Variants in CDH20 observed in about 807,000 individuals in gnomAD.
CDH20 encodes cadherin-20.
CDH20 carries 29 observed loss-of-function variants against 74.2 expected under a neutral mutation model. The ratio of observed to expected loss-of-function variants is 0.39; its 90% CI spans 0.29 to 0.53. The LOEUF is 0.53. Ranked by LOEUF, CDH20 falls within the 20% of genes least tolerant of loss-of-function variation. The pLI is 0.69. For synonymous variants in CDH20, 469 were observed against 405.4 expected (o/e 1.16, Z -1.88); for missense variants, 988 against 1,048.3 (o/e 0.94, Z 0.79).
chr18:61,414,467 T>A (rs1300410323), intron 1 of CDH20, among the ~76,000 whole-genome samples: 1 of 152,186 alleles, frequency 6.6e-6, no homozygotes, highest in Non-Finnish European at 1.5e-5. Context: ...TTAATTAGAT[T>A]TTTTATAGAT....
intron 1 of CDH20, among the ~76,000 whole-genome samples, chr18:61,469,545 C>T (rs541299673): frequency 2.6e-5 from 4 of 152,336 alleles, no homozygotes; most frequent in Non-Finnish European, 4.4e-5. Flanking sequence ...TCTCAACCAT[C>T]CTATAGTGGG....
chr18:61,535,969 T>C (rs1448590903), intron 7 of CDH20, among the ~76,000 whole-genome samples: 1 of 152,162 alleles, frequency 6.6e-6, no homozygotes, highest in African/African-American at 2.4e-5. Flanking sequence ...ATTACCATTA[T>C]TGTATTTGCC....
intron 6 of CDH20, among the ~76,000 whole-genome samples, chr18:61,509,675 G>A (rs1286927784): frequency 1.3e-5 from 2 of 152,134 alleles, no homozygotes; most frequent in South Asian, 2.1e-4. Context: ...GACATGACTC[G>A]GTTTTCATTA....
At chr18:61,473,707 A>G (rs1439148990) in intron 1 of CDH20, among the ~76,000 whole-genome samples, 2 of 152,228 alleles carry the variant, frequency 1.3e-5, no homozygotes, top group African/African-American at 4.8e-5. Context: ...GGGAAAAAAT[A>G]TCAGCATAAA....
intron 1 of CDH20, among the ~76,000 whole-genome samples, chr18:61,429,330 T>C (rs1200628685): frequency 6.6e-6 from 1 of 152,212 alleles, no homozygotes; most frequent in African/African-American, 2.4e-5. Context: ...TTGGGAATTT[T>C]GCAAGATACC....
At chr18:61,483,220 T>C (rs1910649050) in intron 1 of CDH20, among the ~76,000 whole-genome samples, 1 of 152,206 alleles carries the variant, frequency 6.6e-6, no homozygotes, top group African/African-American at 2.4e-5. Flanking sequence ...AAGCACCTCT[T>C]GTACAGTCAC....
chr18:61,537,501 C>T (rs536480633), intron 8 of CDH20, among the ~76,000 whole-genome samples: 2 of 152,244 alleles, frequency 1.3e-5, no homozygotes, highest in Admixed American at 6.5e-5. Context: ...AATACAGATG[C>T]TTTCAAAACA....
At chr18:61,513,609 T>A (rs1911866784) in intron 6 of CDH20, among the ~76,000 whole-genome samples, 1 of 151,942 alleles carries the variant, frequency 6.6e-6, no homozygotes, top group Admixed American at 6.6e-5. Context: ...GGTCTTTACA[T>A]TTTGGCATGA....
rs934732602 is a variant in CDH20, at chr18:61,336,823, G to GA, written c.-153+2996_-153+2997insA. 2.6e-5 allele frequency among the ~76,000 whole-genome samples: 4 copies of GA among 150,960 alleles called. No homozygotes were observed. The East Asian group carries it at 7.8e-4, about 29-fold the overall frequency. On this transcript the variant is annotated intron_variant, in intron 1 of 11. Coordinates refer to ENST00000262717, the MANE Select transcript of CDH20 (RefSeq NM_031891.4). Reference sequence around the variant, plus strand: ...ATAAATCAGCCAGAATATATGGGGGGGGGTGATGAGAATAGGTCTTTTCAC... The same window carrying GA: ...ATAAATCAGCCAGAATATATGGGGGGAGGGTGATGAGAATAGGTCTTTTCAC...
intron 1 of CDH20, among the ~76,000 whole-genome samples, chr18:61,470,902 T>TC (rs1491067596): frequency 2.6e-5 from 4 of 151,728 alleles, no homozygotes; most frequent in Non-Finnish European, 5.9e-5. Context: ...TCCCTCTCTC[T>TC]CCCTCCACTA....
At chr18:61,367,495 A>G (rs1360178276) in intron 1 of CDH20, among the ~76,000 whole-genome samples, 1 of 152,194 alleles carries the variant, frequency 6.6e-6, no homozygotes, top group African/African-American at 2.4e-5. Flanking sequence ...TCAAGGGGTC[A>G]GCAGAGCTTC....
intron 1 of CDH20, among the ~76,000 whole-genome samples, chr18:61,352,342 G>A (rs1444827325): frequency 6.6e-6 from 1 of 152,186 alleles, no homozygotes; most frequent in Admixed American, 6.6e-5. Flanking sequence ...GGTCCCTGGG[G>A]ATGCACTCAG....
At chr18:61,546,150 C>T (rs1038699558) in intron 10 of CDH20, among the ~76,000 whole-genome samples, 11 of 152,172 alleles carry the variant, frequency 7.2e-5, no homozygotes, top group South Asian at 4.1e-4. Context: ...ACTGCAGTAG[C>T]GTCATTTTCA....
intron 8 of CDH20, among the ~76,000 whole-genome samples, chr18:61,538,629 T>TG (rs1912914174): frequency 8.8e-6 from 1 of 113,514 alleles, no homozygotes; most frequent in Non-Finnish European, 1.9e-5. Flanking sequence ...TGTTTTGTTT[T>TG]TTTTTTTGAG....
intron 1 of CDH20, among the ~76,000 whole-genome samples, chr18:61,401,640 G>T (rs1439464559): frequency 6.6e-6 from 1 of 152,154 alleles, no homozygotes; most frequent in Admixed American, 6.5e-5. Flanking sequence ...CATGTTCATT[G>T]TTCCTAATGT....
intron 7 of CDH20, among the ~76,000 whole-genome samples, chr18:61,535,168 C>T (rs644202): frequency 0.98 from 148,615 of 151,984 alleles, 72,751 homozygotes; most frequent in East Asian, 1. Context: ...ATATAAAAAT[C>T]AGCCAGGGAT....
At chr18:61,418,371 G>T (rs1370972698) in intron 1 of CDH20, among the ~76,000 whole-genome samples, 2 of 152,002 alleles carry the variant, frequency 1.3e-5, no homozygotes, top group African/African-American at 4.8e-5. Flanking sequence ...TGGCTAAGAT[G>T]GTGAAACCCC....
At chr18:61,527,157 G>A (rs1485331934) in intron 6 of CDH20, among the ~76,000 whole-genome samples, 1 of 152,136 alleles carries the variant, frequency 6.6e-6, no homozygotes, top group African/African-American at 2.4e-5. Context: ...TCTAGCCTGG[G>A]TGACAGAGCG....
chr18:61,434,997 C>G (rs994605), intron 1 of CDH20, among the ~76,000 whole-genome samples: 149,509 of 152,258 alleles, frequency 0.98, 73,451 homozygotes, highest in East Asian at 1. Flanking sequence ...AGAACTAAAA[C>G]TCAAAGTAAT....
Sources: gnomAD v4.1 joint callset for allele counts (sites outside exome capture counted in the v4.1 genomes callset) on GRCh38, gnomAD v4.1.1 for gene constraint, MANE v1.5 for transcripts, NCBI Gene and HGNC (gene_info 2026-07-23, HGNC 2026-07-21) for gene names.